The following GRHL2 variants were observed in gnomAD, a reference collection of about 807,000 sequenced individuals.
The protein encoded by GRHL2 is grainyhead like transcription factor 2, also known as grainyhead-like protein 2 homolog.
A neutral mutation model predicts 83.8 loss-of-function variants in GRHL2; 21 were observed. The ratio of observed to expected loss-of-function variants is 0.25; its 90% confidence interval spans 0.18 to 0.36. The LOEUF (loss-of-function observed/expected upper bound fraction) is 0.36, where lower values mean the gene tolerates loss of function less well. GRHL2 is among the 10% of genes least tolerant of loss of function. The probability of loss-of-function intolerance (pLI) is 1.00; values close to 1 mark genes in which losing one functional copy is unlikely to be tolerated. For missense variants in GRHL2, 623 were observed against 781.8 expected (o/e 0.80, Z 2.42); for synonymous variants, 280 against 278.9 (o/e 1.00, Z -0.04).
chr8:101,636,915 G>C lies in GRHL2; in HGVS notation c.1504G>C (p.Asp502His). The C allele has an allele frequency of 1.9e-6, 3 of 1,613,828 alleles. No homozygotes were observed. Among genetic ancestry groups the C allele is most frequent in the Non-Finnish European group, 2.5e-6 (3 of 1,179,756 alleles). ...TCCACAGGTGTATTACAACACGGAT[G>C]ATGAACGAGAAGGGTAAGACACTCA... ...RTGQVYYNTD[D>H]EREGGSVLVK... The change falls in exon 12 of 16, where the codon GAT (aspartate) becomes CAT (histidine). Residue 502 changes from aspartate to histidine, a missense_variant. Around this residue, in one of 8 missense-constraint regions of GRHL2, gnomAD observed 210 missense variants for 254.8 expected, o/e 0.82. Transcript: ENST00000646743.
chr8:101,569,673 A>C (rs1231232779), intron 4 of GRHL2, among the ~76,000 whole-genome samples: 1 of 152,080 alleles, frequency 6.6e-6, no homozygotes, highest in Non-Finnish European at 1.5e-5. Context: ...GTCTTGCTTT[A>C]TTGTCCAGGC....
intron 4 of GRHL2, among the ~76,000 whole-genome samples, chr8:101,559,351 T>TGCAAAAAAAAAAAAAA (rs1285229771): frequency 2.6e-4 from 5 of 19,226 alleles, no homozygotes; most frequent in Admixed American, 7.9e-4. Context: ...CTACTAAAAA[T>TGCAAAAAAAAAAAAAA]ACAAAAAAAA....
chr8:101,492,788 A>C lies in GRHL2; in HGVS notation c.19A>C (p.Asn7His), dbSNP rs1272736219. Residue 7 changes from asparagine (N) to histidine (H), a missense_variant and splice_region_variant, in exon 1 of 16, where the codon AAT (asparagine) becomes CAT (histidine). Asn to His is a moderately conservative substitution (Grantham distance 68, BLOSUM62 1). Coordinates refer to ENST00000646743, the MANE Select transcript of GRHL2 (RefSeq NM_024915.4). MSQESD[N>H]NKRLVALVPM... is the part of the protein sequence containing the mutation. Reference sequence around the variant, plus strand: ...ATCAAACATGTCACAAGAGTCGGACAAGTAAGTGGATCACACGCGCCGGCT... The same window carrying C: ...ATCAAACATGTCACAAGAGTCGGACCAGTAAGTGGATCACACGCGCCGGCT... 2 of 1,614,028 alleles carry C rather than the reference A, an allele frequency of 1.2e-6. No homozygotes were observed. The highest frequency in any genetic ancestry group is 1.7e-6 in the Non-Finnish European group (2 of 1,179,884).
the GRHL2 span, among the ~76,000 whole-genome samples, chr8:101,676,277 T>C: frequency 3.6e-4 from 54 of 151,948 alleles, no homozygotes; most frequent in Non-Finnish European, 6.2e-4. Context: ...ACAGGCAACC[T>C]ACAGAATGGG....
intron 9 of GRHL2, among the ~76,000 whole-genome samples, chr8:101,624,280 TAGGAC>T (rs557515261): frequency 9.5e-4 from 143 of 150,104 alleles, no homozygotes; most frequent in South Asian, 2.5e-3. Flanking sequence ...CAGTACATAG[TAGGAC>T]AGTTTCCATG....
intron 3 of GRHL2, among the ~76,000 whole-genome samples, chr8:101,556,500 A>G (rs1273655486): frequency 1.3e-5 from 2 of 152,236 alleles, no homozygotes; most frequent in Admixed American, 1.3e-4. Flanking sequence ...ATAATTTTCC[A>G]TTAATGAGTT....
chr8:101,566,288 T>C (rs975593993), intron 4 of GRHL2, among the ~76,000 whole-genome samples: 15 of 152,150 alleles, frequency 9.9e-5, no homozygotes, highest in African/African-American at 3.1e-4. Context: ...GTAGTCAAAG[T>C]TGATAAGACT....
chr8:101,667,940 C>T lies in GRHL2; in HGVS notation c.*1237C>T, dbSNP rs16868178. On this transcript the variant is annotated 3_prime_UTR_variant, in exon 16 of 16. Coordinates refer to ENST00000646743, the MANE Select transcript of GRHL2 (RefSeq NM_024915.4). ...AGCTGTGAACAGCTCAGCTCTGAGTCGGCAGGCTGGGGCTTCCTCCTGGGC... is the reference window on the plus strand; with the variant it reads ...AGCTGTGAACAGCTCAGCTCTGAGTTGGCAGGCTGGGGCTTCCTCCTGGGC... 0.12 allele frequency: 18,623 copies of T among 152,770 alleles called. 1,202 individuals carry two copies. The highest frequency in any genetic ancestry group is 0.21 in the South Asian group (1,002 of 4,828). The allele number at this position is 152,770 out of a possible 1,614,324, so 9.5% of individuals were successfully genotyped here.
intron 1 of GRHL2, among the ~76,000 whole-genome samples, chr8:101,503,152 G>A (rs941659335): frequency 5.3e-5 from 8 of 152,160 alleles, no homozygotes; most frequent in African/African-American, 7.2e-5. Context: ...GCCCCTGAAA[G>A]GTTCTCATGT....
intron 1 of GRHL2, among the ~76,000 whole-genome samples, chr8:101,511,763 T>G (rs147744674): frequency 1.6e-4 from 24 of 152,292 alleles, no homozygotes; most frequent in African/African-American, 5.3e-4. Context: ...CAAGCAAATT[T>G]CTCCTAAATT....
intron 1 of GRHL2, among the ~76,000 whole-genome samples, chr8:101,504,975 GAA>G (rs34007500): frequency 9.7e-5 from 11 of 113,030 alleles, no homozygotes; most frequent in Admixed American, 2.7e-4. Flanking sequence ...ATTGCATTAG[GAA>G]AAAAAAAAAA....
intron 8 of GRHL2, among the ~76,000 whole-genome samples, chr8:101,612,523 A>AGATACATACATG (rs1812773625): frequency 1.4e-5 from 1 of 72,808 alleles, no homozygotes; most frequent in African/African-American, 6.0e-5. Flanking sequence ...ATAGATAGAT[A>AGATACATACATG]CATACATACA....
intron 9 of GRHL2, among the ~76,000 whole-genome samples, chr8:101,620,702 C>T (rs1051499132): frequency 1.3e-5 from 2 of 152,118 alleles, no homozygotes. Flanking sequence ...ATGGGGCCAC[C>T]TGATAGCCAA....
intron 14 of GRHL2, among the ~76,000 whole-genome samples, chr8:101,655,691 AT>A (rs1563629348): frequency 6.6e-6 from 1 of 152,180 alleles, no homozygotes; most frequent in Non-Finnish European, 1.5e-5. Flanking sequence ...TTTTCTTTTC[AT>A]TTGCATATTT....
intron 7 of GRHL2, among the ~76,000 whole-genome samples, chr8:101,598,171 A>G (rs1177570040): frequency 6.6e-6 from 1 of 152,146 alleles, no homozygotes; most frequent in African/African-American, 2.4e-5. Flanking sequence ...AAATAAAGTC[A>G]TAAAATAAGA....
chr8:101,500,368 A>G (rs1810201094), intron 1 of GRHL2, among the ~76,000 whole-genome samples: 1 of 152,166 alleles, frequency 6.6e-6, no homozygotes, highest in African/African-American at 2.4e-5. Flanking sequence ...ACCTGCCTGC[A>G]TAGTTTCTTC....
chr8:101,562,563 G>A (rs1811629842), intron 4 of GRHL2: 2 of 219,814 alleles, frequency 9.1e-6, no homozygotes, highest in South Asian at 1.1e-4. Context: ...ATGGTGTGAG[G>A]TAAGGATTGA....
chr8:101,636,754 CACACACACACACTGT>C, intron 11 of GRHL2, 128 bp from the exon 12 acceptor site: 1 of 733,566 alleles, frequency 1.4e-6, no homozygotes, highest in African/African-American at 1.7e-5. Flanking sequence ...CACACACACA[CACACACACACACTGT>C]TATTAAACAG....
chr8:101,551,462 G>A (rs1811377945), intron 2 of GRHL2, among the ~76,000 whole-genome samples: 1 of 152,024 alleles, frequency 6.6e-6, no homozygotes, highest in Admixed American at 6.6e-5. Context: ...AGGTATCTGG[G>A]CTTGTGTACA....
Sources: allele counts gnomAD v4.1 joint callset (sites outside exome capture counted in the v4.1 genomes callset), GRCh38; gene constraint gnomAD v4.1.1; regional missense constraint gnomAD v4.1.1; transcripts MANE v1.5; gene names NCBI Gene and HGNC (gene_info 2026-07-23, HGNC 2026-07-21).